DMD: variants seen among roughly 807,000 people sequenced by gnomAD.
DMD encodes the protein mutant dystrophin.
In DMD, 63 loss-of-function variants were observed where a neutral mutation model predicts 330.1. The observed-to-expected ratio is 0.19, with a 90% confidence interval of 0.16 to 0.24. The LOEUF is 0.24. DMD is among the 10% of genes least tolerant of loss of function. The pLI is 1.00. For missense variants in DMD, 3,344 were observed against 2,684.1 expected (o/e 1.25, Z -5.43); for synonymous variants, 1,223 against 959.8 (o/e 1.27, Z -5.07).
intron 51 of DMD, among the ~76,000 whole-genome samples, chrX:31,749,679 A>C (rs1225675931): frequency 9.3e-6 from 1 of 107,182 alleles, no homozygotes; most frequent in African/African-American, 3.4e-5. Context: ...TGGCTGGGTC[A>C]AATGGTATTT....
intron 41 of DMD, among the ~76,000 whole-genome samples, chrX:32,326,915 A>C (rs997869449): frequency 3.6e-5 from 4 of 110,012 alleles, no homozygotes; most frequent in Non-Finnish European, 7.6e-5. Flanking sequence ...TCAAAAAAAA[A>C]AAAAAAGTAT....
chrX:31,910,488 C>G (rs1415984192), intron 47 of DMD, among the ~76,000 whole-genome samples: 1 of 112,273 alleles, frequency 8.9e-6, no homozygotes, highest in Non-Finnish European at 1.9e-5. Context: ...GACTTCAAAA[C>G]AGGAATCAGT....
intron 12 of DMD, among the ~76,000 whole-genome samples, chrX:32,607,014 G>C (rs1253258860): frequency 9.2e-6 from 1 of 108,819 alleles, no homozygotes; most frequent in Non-Finnish European, 1.9e-5. Flanking sequence ...GGGGGTGAGG[G>C]GTGAAAAATT....
At chrX:31,639,836 A>G (rs1211233546) in intron 54 of DMD, among the ~76,000 whole-genome samples, 1 of 111,880 alleles carries the variant, frequency 8.9e-6, no homozygotes, top group Non-Finnish European at 1.9e-5. Context: ...AAGGTATTAC[A>G]AAGTATTTGT....
At chrX:32,233,462 A>C (rs143874723) in intron 43 of DMD, among the ~76,000 whole-genome samples, 1,740 of 111,069 alleles carry the variant, frequency 0.016, 29 homozygotes, top group African/African-American at 0.052. Flanking sequence ...TTTATGCAGA[A>C]GTAGTTTATT....
chrX:31,182,827 C>A lies in DMD; in HGVS notation c.9885G>T (p.Leu3295=), dbSNP rs754265253. ...MRLEPQSMVW[L]PVLHRVAAAE... ...CAGCAGCCACTCTGTGCAGGACGGG[C>A]AGCCACACCATGGACTGGGGTTCCA... The change falls in exon 68 of 79, where the codon CTG becomes CTT. Residue 3295 remains leucine (L), a synonymous_variant. Transcript: ENST00000357033. 1 of 1,209,330 alleles carries A rather than the reference C, an allele frequency of 8.3e-7. No homozygotes were observed. The highest frequency in any genetic ancestry group is 1.8e-5 in the South Asian group (1 of 56,790).
chrX:32,471,910 C>T (rs72468670), intron 22 of DMD, among the ~76,000 whole-genome samples: 2 of 111,609 alleles, frequency 1.8e-5, no homozygotes, highest in Non-Finnish European at 3.8e-5. Context: ...AAAATGCATG[C>T]TAAATTAAAA....
chrX:31,843,847 T>TTATTGTATTGTATTGTATTG (rs57045672), intron 48 of DMD, among the ~76,000 whole-genome samples: 65 of 109,213 alleles, frequency 6.0e-4, no homozygotes, highest in African/African-American at 2.1e-3. Context: ...GTTTGAGATT[T>TTATTGTATTGTATTGTATTG]TATTGTATTG....
intron 60 of DMD, among the ~76,000 whole-genome samples, chrX:31,362,448 G>A (rs928967698): frequency 1.8e-5 from 2 of 111,830 alleles, no homozygotes; most frequent in Non-Finnish European, 3.8e-5. Context: ...AGGTATATAC[G>A]AAATATAAAT....
chrX:31,141,017 C>G, intron 76 of DMD, among the ~76,000 whole-genome samples: 1 of 110,937 alleles, frequency 9.0e-6, no homozygotes, highest in East Asian at 2.8e-4. Context: ...ATGGTGAAAC[C>G]CTGTCTCTAC....
intron 55 of DMD, among the ~76,000 whole-genome samples, chrX:31,616,157 C>G (rs1569554943): frequency 2.7e-5 from 3 of 111,645 alleles, no homozygotes; most frequent in South Asian, 7.6e-4. Context: ...TCCACCCCAG[C>G]CTCTCTCTAA....
Position 32,454,813 on chromosome X carries a change from G to T in DMD, c.3452C>A (p.Ala1151Asp). Residue 1151 changes from alanine (A) to aspartate (D), a missense_variant, in exon 26 of 79, where the codon GCC (alanine) becomes GAC (aspartate). Transcript: ENST00000357033. ...AGTTTTCTCCAAACCTCCCTTCAAGGCCTCCTTTCTGGCATAGACCTTCCA... is the reference window on the plus strand; with the variant it reads ...AGTTTTCTCCAAACCTCCCTTCAAGTCCTCCTTTCTGGCATAGACCTTCCA... ...MCQQVYARKE[A>D]LKGGLEKTVS... is the part of the protein sequence containing the mutation. 8.3e-7 allele frequency: 1 copy of T among 1,206,222 alleles called. No homozygotes were observed.
At chrX:31,947,870 T>C (rs1352995314) in intron 45 of DMD, among the ~76,000 whole-genome samples, 1 of 75,011 alleles carries the variant, frequency 1.3e-5, no homozygotes, top group Non-Finnish European at 2.6e-5. Flanking sequence ...TCCTTCTCCT[T>C]CTTCTTCTTC....
At chrX:33,054,066 C>T (rs987337531) in intron 1 of DMD, among the ~76,000 whole-genome samples, 1 of 111,444 alleles carries the variant, frequency 9.0e-6, no homozygotes, top group African/African-American at 3.3e-5. Context: ...AAGAAGGGAA[C>T]GTGGCAAATA....
At chrX:32,884,170 G>C (rs2084299221) in intron 2 of DMD, among the ~76,000 whole-genome samples, 1 of 111,257 alleles carries the variant, frequency 9.0e-6, no homozygotes, top group African/African-American at 3.3e-5. Context: ...GGAAATAGTA[G>C]GGTGACATAG....
At chrX:33,281,210 AT>A (rs139177044) in intron 1 of DMD, among the ~76,000 whole-genome samples, 2,564 of 91,997 alleles carry the variant, frequency 0.028, 41 homozygotes, top group African/African-American at 0.058. Flanking sequence ...ATGCTATTGC[AT>A]TTTTTTTTTT....
At chrX:31,970,450 G>T in intron 44 of DMD, among the ~76,000 whole-genome samples, 1 of 108,277 alleles carries the variant, frequency 9.2e-6, no homozygotes, top group East Asian at 2.9e-4. Flanking sequence ...GTGATAATTT[G>T]TTATACTACA....
At chrX:32,197,480 G>A (rs2097011678) in intron 44 of DMD, among the ~76,000 whole-genome samples, 1 of 111,827 alleles carries the variant, frequency 8.9e-6, no homozygotes, top group Non-Finnish European at 1.9e-5. Flanking sequence ...ATTTGGGGAA[G>A]AATTTCAGCA....
intron 2 of DMD, among the ~76,000 whole-genome samples, chrX:32,989,507 T>C (rs1340546344): frequency 8.9e-6 from 1 of 111,938 alleles, no homozygotes; most frequent in African/African-American, 3.2e-5. Context: ...GCATAATTCC[T>C]GCAGTTAAAT....
Sources: gnomAD v4.1 joint callset for allele counts (sites outside exome capture counted in the v4.1 genomes callset) on GRCh38, gnomAD v4.1.1 for gene constraint, MANE v1.5 for transcripts, NCBI Gene and HGNC (gene_info 2026-07-23, HGNC 2026-07-21) for gene names.